RPAP2: variants seen among roughly 807,000 people sequenced by gnomAD.
RPAP2 encodes putative RNA polymerase II subunit B1 CTD phosphatase RPAP2.
Under a neutral mutation model 73.1 loss-of-function variants are expected in RPAP2, and 52 were observed. The observed-to-expected ratio is 0.71, with a 90% CI of 0.57 to 0.90. The LOEUF (loss-of-function observed/expected upper bound fraction) is 0.90. Among genes scored for constraint, RPAP2 ranks in the 40% least tolerant of loss-of-function variants. The pLI is 0.00. For synonymous variants in RPAP2, 225 were observed against 242.1 expected (o/e 0.93, Z 0.65); for missense variants, 598 against 701.8 (o/e 0.85, Z 1.67).
Position 92,396,657 on chromosome 1 carries a change from T to TGTGTGA in RPAP2, c.*9647_*9648insTGTGAG, listed in dbSNP as rs776993431. The TGTGTGA allele has an allele frequency of 2.5e-4, 38 of 151,132 alleles. No individual in the cohort carries two copies. Among genetic ancestry groups the TGTGTGA allele is most frequent in the African/African-American group, 8.5e-4 (35 of 41,226 alleles). 9.4% of individuals were successfully genotyped at this position (151,132 alleles called of 1,614,324 possible). A position where few individuals can be genotyped will look rare whatever the true frequency, so the allele number is the denominator to read the frequency against. ...TTATGTGTGTGTGTGTGTGTGTGTG[T>TGTGTGA]GAGATGGAGTTTCACTCTTGTTGCC... On this transcript the variant is annotated 3_prime_UTR_variant, in exon 13 of 13. Coordinates refer to ENST00000610020, the MANE Select transcript of RPAP2 (RefSeq NM_024813.3).
intron 9 of RPAP2, 132 bp downstream of exon 9, chr1:92,333,605 C>T: frequency 1.5e-6 from 1 of 671,370 alleles, no homozygotes; most frequent in Non-Finnish European, 2.5e-6. Context: ...ACATGGATTT[C>T]TTCACTTAAG....
chr1:92,356,470 T>A (rs1654467360), intron 11 of RPAP2, among the ~76,000 whole-genome samples: 1 of 151,838 alleles, frequency 6.6e-6, no homozygotes, highest in Non-Finnish European at 1.5e-5. Flanking sequence ...CAGGCTGCAG[T>A]ACAGGTGACC....
At chr1:92,319,368 C>T (rs1338341265) in intron 6 of RPAP2, among the ~76,000 whole-genome samples, 3 of 152,304 alleles carry the variant, frequency 2.0e-5, no homozygotes, top group South Asian at 4.2e-4. Context: ...TCTCTCTGTA[C>T]TCAGTTTCCT....
rs1156852446 is a variant in RPAP2, at chr1:92,304,349, G to A, written c.399G>A (p.Lys133=). ...AAGTCTATGATATTACTGAAAGAAAGGTGAGTTTAAAGGCTTTCATTGTGG... is the reference window on the plus strand; with the variant it reads ...AAGTCTATGATATTACTGAAAGAAAAGTGAGTTTAAAGGCTTTCATTGTGG... The part of the protein sequence containing the change: ...TNKVYDITER[K]SFCSNFCYQA... The change falls in exon 5 of 13, where the codon AAG becomes AAA. Residue 133 remains lysine (K), a splice_region_variant and synonymous_variant. Transcript: ENST00000610020. 1 of 1,505,948 alleles carries A rather than the reference G, an allele frequency of 6.6e-7. No homozygotes were observed. Among genetic ancestry groups the A allele is most frequent in the Non-Finnish European group, 9.1e-7 (1 of 1,096,540 alleles). The allele number at this position is 1,505,948 out of a possible 1,614,324, so 93.3% of individuals were successfully genotyped here.
intron 11 of RPAP2, among the ~76,000 whole-genome samples, chr1:92,346,666 T>A (rs959359917): frequency 2.6e-5 from 4 of 152,222 alleles, no homozygotes; most frequent in African/African-American, 9.6e-5. Flanking sequence ...TGTACATTTT[T>A]AAAATCTGAC....
chr1:92,357,893 ATTT>A (rs1557622535), intron 11 of RPAP2, among the ~76,000 whole-genome samples: 1 of 152,102 alleles, frequency 6.6e-6, no homozygotes, highest in Non-Finnish European at 1.5e-5. Context: ...AGTCATTTAA[ATTT>A]TTTGTTTTTG....
chr1:92,320,180 G>C (rs950418522), intron 6 of RPAP2, among the ~76,000 whole-genome samples: 1 of 152,112 alleles, frequency 6.6e-6, no homozygotes, highest in Non-Finnish European at 1.5e-5. Context: ...GGTGGAATTT[G>C]AACTTAACCC....
intron 12 of RPAP2, among the ~76,000 whole-genome samples, chr1:92,384,865 C>T (rs1282609281): frequency 6.6e-6 from 1 of 152,006 alleles, no homozygotes; most frequent in Non-Finnish European, 1.5e-5. Flanking sequence ...TGACAGGTGT[C>T]TTGGCTGGGT....
At chr1:92,329,863 G>T (rs1652857626) in intron 8 of RPAP2, among the ~76,000 whole-genome samples, 1 of 152,112 alleles carries the variant, frequency 6.6e-6, no homozygotes, top group South Asian at 2.1e-4. Context: ...ATTGGTCATG[G>T]TCTCATCATA....
intron 10 of RPAP2, among the ~76,000 whole-genome samples, chr1:92,343,780 A>G (rs1038777713): frequency 6.6e-6 from 1 of 152,196 alleles, no homozygotes; most frequent in Non-Finnish European, 1.5e-5. Flanking sequence ...AAAAAAAGAA[A>G]AACATATAGC....
intron 11 of RPAP2, among the ~76,000 whole-genome samples, chr1:92,348,406 G>A (rs781700046): frequency 4.6e-5 from 7 of 152,170 alleles, no homozygotes; most frequent in Non-Finnish European, 1.0e-4. Context: ...ACCAAGACAA[G>A]TGGTGTTTCC....
rs1656157147 is a variant in RPAP2, at chr1:92,395,328, T to G, written c.*8317T>G. On this transcript the variant is annotated 3_prime_UTR_variant, in exon 13 of 13. Transcript: ENST00000610020. Reference sequence around the variant, plus strand: ...CTTCATTAAAATATAAAATTTTGTTTCAAAAAACTATTAAGAAAATTAATT... The same window carrying G: ...CTTCATTAAAATATAAAATTTTGTTGCAAAAAACTATTAAGAAAATTAATT... 1 of 152,060 alleles carries G rather than the reference T, an allele frequency of 6.6e-6. No individual in the cohort carries two copies. Among genetic ancestry groups the G allele is most frequent in the South Asian group, 2.1e-4 (1 of 4,824 alleles). The allele number at this position is 152,060 out of a possible 1,614,324, so 9.4% of individuals were successfully genotyped here.
At chr1:92,333,715 G>A (rs1342787953) in intron 9 of RPAP2, among the ~76,000 whole-genome samples, 1 of 152,162 alleles carries the variant, frequency 6.6e-6, no homozygotes, top group East Asian at 1.9e-4. Flanking sequence ...TGTGGGTTTA[G>A]AAGACCAAAC....
intron 11 of RPAP2, among the ~76,000 whole-genome samples, chr1:92,371,304 C>CAAA (rs1304166097): frequency 3.3e-5 from 3 of 90,536 alleles, no homozygotes; most frequent in African/African-American, 1.4e-4. Flanking sequence ...GTCTCTGTCT[C>CAAA]AAAAAAAAAA....
intron 10 of RPAP2, among the ~76,000 whole-genome samples, chr1:92,341,032 A>G (rs1216577024): frequency 6.6e-6 from 1 of 152,122 alleles, no homozygotes; most frequent in Non-Finnish European, 1.5e-5. Context: ...TTTTTGAGAC[A>G]GAGTCTCACT....
In RPAP2 at chr1:92,397,023, T is replaced by C. The variant is rs1656199782; in HGVS notation, c.*10012T>C. The C allele has an allele frequency of 6.6e-6, 1 of 152,162 alleles. No individual in the cohort carries two copies. The highest frequency in any genetic ancestry group is 2.1e-4 in the South Asian group (1 of 4,830). The allele number at this position is 152,162 out of a possible 1,614,324, so 9.4% of individuals were successfully genotyped here. On this transcript the variant is annotated 3_prime_UTR_variant, in exon 13 of 13. Coordinates refer to ENST00000610020, the MANE Select transcript of RPAP2 (RefSeq NM_024813.3). The stretch of plus-strand genomic sequence containing the variant: ...AAGTTTATGTGTATAAATTATACCT[T>C]AATAAAGCTATTAAAAGTCAAAGAT...
At chr1:92,375,220 A>G (rs1655336438) in intron 11 of RPAP2, among the ~76,000 whole-genome samples, 1 of 152,210 alleles carries the variant, frequency 6.6e-6, no homozygotes, top group Non-Finnish European at 1.5e-5. Flanking sequence ...CATGACTCCA[A>G]AAGTAGTCCA....
chr1:92,314,076 A>G (rs1651756827), intron 6 of RPAP2, among the ~76,000 whole-genome samples: 1 of 152,224 alleles, frequency 6.6e-6, no homozygotes. Flanking sequence ...TATACCAGCA[A>G]TAAGGCTGTT....
At chr1:92,333,623 G>A (rs1177487095) in intron 9 of RPAP2, 150 bp downstream of exon 9, 4 of 630,108 alleles carry the variant, frequency 6.3e-6, no homozygotes, top group Non-Finnish European at 1.1e-5. Flanking sequence ...AAGAAATTTG[G>A]ATTTTTAAGA....
Sources: gnomAD v4.1 joint callset for allele counts (sites outside exome capture counted in the v4.1 genomes callset) on GRCh38, gnomAD v4.1.1 for gene constraint, MANE v1.5 for transcripts, NCBI Gene and HGNC (gene_info 2026-07-23, HGNC 2026-07-21) for gene names.